The following ARHGAP27 variants were observed in gnomAD, a reference collection of about 807,000 sequenced individuals.
ARHGAP27 encodes the protein Rho GTPase activating protein 27, also known as rho GTPase-activating protein 27.
In ARHGAP27, 53 loss-of-function variants were observed where a neutral mutation model predicts 102.0. That is an observed-to-expected ratio of 0.52 (90% confidence interval 0.42 to 0.65). ARHGAP27 has a LOEUF of 0.65. Ranked by LOEUF, ARHGAP27 falls within the 30% of genes least tolerant of loss-of-function variation. ARHGAP27 has a pLI of 0.00. For missense variants in ARHGAP27, 1,117 were observed against 1,256.2 expected (o/e 0.89, Z 1.68); for synonymous variants, 525 against 542.8 (o/e 0.97, Z 0.46).
chr17:45,429,581 A>G (rs757829878), intron 4 of ARHGAP27, 42 bp downstream of exon 4: 2 of 1,577,514 alleles, frequency 1.3e-6, no homozygotes, highest in Non-Finnish European at 1.7e-6. Context: ...CGCGGTCCCT[A>G]GCGCGCCACC....
chr17:45,397,571 A>C, intron 13 of ARHGAP27: 1 of 225,928 alleles, frequency 4.4e-6, no homozygotes, highest in Non-Finnish European at 8.6e-6. Context: ...TACTTATGCA[A>C]TTGGTGTTTT....
rs2049713268 is a variant in ARHGAP27 at position 45,427,296 on chromosome 17, G to A, written c.657+2327C>T. ...GATAATGTGCACATTCCTGGCAAGG[G>A]CCCACGAGGCCCTGCCCGGGTGGGC... On this transcript the variant is annotated intron_variant, in intron 4 of 19. Coordinates refer to ENST00000685559, the MANE Select transcript of ARHGAP27 (RefSeq NM_001282290.2). The surrounding 1 kb of genome is among the most constrained non-coding windows in gnomAD (Gnocchi z 4.5). Among the ~76,000 whole-genome samples the A allele has an allele frequency of 6.6e-6, 1 of 152,136 alleles. No homozygotes were observed. The highest frequency in any genetic ancestry group is 2.4e-5 in the African/African-American group (1 of 41,428).
chr17:45,402,574 A>T lies in ARHGAP27; in HGVS notation c.1743+140T>A, dbSNP rs559981334. On this transcript the variant is annotated intron_variant, in intron 12 of 19. Coordinates refer to ENST00000685559, the MANE Select transcript of ARHGAP27 (RefSeq NM_001282290.2). ...TCTGGGTTCCTACCTCTATTAATAC[A>T]GCCAAAAGCTGCACTCAGTGTTGGC... The T allele has an allele frequency of 3.7e-3, 2,662 of 728,412 alleles. 7 individuals are homozygous for T. The highest frequency in any genetic ancestry group is 5.0e-3 in the Non-Finnish European group (2,214 of 446,122). 45.1% of individuals were successfully genotyped at this position (728,412 alleles called of 1,614,324 possible).
chr17:45,423,398 A>G (rs1291118364), intron 4 of ARHGAP27, among the ~76,000 whole-genome samples: 1 of 152,154 alleles, frequency 6.6e-6, no homozygotes, highest in Non-Finnish European at 1.5e-5. Context: ...ACCATTGATG[A>G]GAAAAAAAAT....
Position 45,405,759 on chromosome 17 carries a change from A to T in ARHGAP27, c.982T>A (p.Trp328Arg). ...GGCTCGTTCTCGGCCTCGTCCTCCC[A>T]GGCCGTCTCGCCCGTCAGCGGGTTG... ...FYNPLTGETA[W>R]EDEAENEPEE... Residue 328 changes from tryptophan (W) to arginine (R), a missense_variant, in exon 5 of 20, where the codon TGG becomes AGG. Around this residue, in one of 3 missense-constraint regions of ARHGAP27, gnomAD observed 610 missense variants for 716.4 expected, o/e 0.85. Transcript: ENST00000685559. 6.3e-7 allele frequency: 1 copy of T among 1,595,514 alleles called. No homozygotes were observed. Among genetic ancestry groups the T allele is most frequent in the Non-Finnish European group, 8.5e-7 (1 of 1,177,322 alleles).
chr17:45,411,629 T>C (rs1045901651), intron 4 of ARHGAP27, among the ~76,000 whole-genome samples: 4 of 151,952 alleles, frequency 2.6e-5, no homozygotes, highest in Non-Finnish European at 5.9e-5. Flanking sequence ...CATACCAGTG[T>C]CCCATCCCCT....
chr17:45,410,956 G>A (rs555437384), intron 4 of ARHGAP27, among the ~76,000 whole-genome samples: 3 of 152,164 alleles, frequency 2.0e-5, no homozygotes, highest in South Asian at 4.1e-4. Context: ...CTATCTGCCC[G>A]CCTGACCACC....
intron 11 of ARHGAP27, among the ~76,000 whole-genome samples, chr17:45,403,209 C>G (rs762608016): frequency 2.0e-5 from 3 of 152,202 alleles, no homozygotes; most frequent in Non-Finnish European, 2.9e-5. Flanking sequence ...AGGCCCAGCT[C>G]CTCTGACACT....
intron 15 of ARHGAP27, 25 bp from the exon 16 acceptor site, chr17:45,396,610 T>A: frequency 1.2e-6 from 2 of 1,610,462 alleles, no homozygotes; most frequent in Non-Finnish European, 1.7e-6. Flanking sequence ...CATCAGCTCC[T>A]GCCCAGCCTG....
intron 3 of ARHGAP27, 104 bp downstream of exon 3, chr17:45,431,517 G>T: frequency 5.1e-6 from 1 of 195,918 alleles, no homozygotes; most frequent in South Asian, 6.8e-5. Context: ...AAGCACGCTG[G>T]GCCCCGGAGG....
intron 12 of ARHGAP27, among the ~76,000 whole-genome samples, chr17:45,398,606 C>G (rs961558805): frequency 6.6e-6 from 1 of 151,966 alleles, no homozygotes; most frequent in Non-Finnish European, 1.5e-5. Flanking sequence ...TGGTGGCGGG[C>G]TCCTGTAATC....
chr17:45,414,153 A>C (rs1430757702), intron 4 of ARHGAP27, among the ~76,000 whole-genome samples: 2 of 150,732 alleles, frequency 1.3e-5, no homozygotes, highest in African/African-American at 4.9e-5. Flanking sequence ...CAGCCAGCGA[A>C]GGCTGTAGGG....
chr17:45,428,043 G>A (rs1398890904), intron 4 of ARHGAP27, among the ~76,000 whole-genome samples: 1 of 152,202 alleles, frequency 6.6e-6, no homozygotes, highest in Non-Finnish European at 1.5e-5. Context: ...GCACCTCTGC[G>A]CTTCTCAACA....
intron 12 of ARHGAP27, among the ~76,000 whole-genome samples, chr17:45,402,429 G>A (rs1401346798): frequency 1.3e-5 from 2 of 152,156 alleles, no homozygotes; most frequent in East Asian, 1.9e-4. Flanking sequence ...GGGGTGCAGC[G>A]TTGGCCTTGA....
chr17:45,424,149 G>T (rs1175363929), intron 4 of ARHGAP27, among the ~76,000 whole-genome samples: 1 of 152,244 alleles, frequency 6.6e-6, no homozygotes, highest in Non-Finnish European at 1.5e-5. Context: ...GAGAGGGCAA[G>T]GAGGCAGGGT....
Position 45,430,409 on chromosome 17 carries a change from C to T in ARHGAP27, c.-18-112G>A. The T allele has an allele frequency of 7.0e-7, 1 of 1,428,826 alleles. No individual in the cohort carries two copies. The highest frequency in any genetic ancestry group is 9.2e-7 in the Non-Finnish European group (1 of 1,090,446). The allele number at this position is 1,428,826 out of a possible 1,614,324, so 88.5% of individuals were successfully genotyped here. A position where few individuals can be genotyped will look rare whatever the true frequency, so the allele number is the denominator to read the frequency against. Reference sequence around the variant, plus strand: ...TCCCGATCCTGCACTCGCCGTTCGCCTTCGGGCCTCAGTTTTCCCATCTCT... The same window carrying T: ...TCCCGATCCTGCACTCGCCGTTCGCTTTCGGGCCTCAGTTTTCCCATCTCT... On this transcript the variant is annotated intron_variant, in intron 3 of 19. Coordinates refer to ENST00000685559, the MANE Select transcript of ARHGAP27 (RefSeq NM_001282290.2). The surrounding 1 kb of genome is among the most constrained non-coding windows in gnomAD (Gnocchi z 4.4).
chr17:45,403,648 C>T lies in ARHGAP27; in HGVS notation c.1609G>A (p.Asp537Asn). 2.5e-6 allele frequency: 4 copies of T among 1,614,072 alleles called. No individual in the cohort carries two copies. Among genetic ancestry groups the T allele is most frequent in the Non-Finnish European group, 3.4e-6 (4 of 1,180,016 alleles). Reference sequence around the variant, plus strand: ...CCGCCTGCAGCCGAGGTCTTTGAGTCCTTGAAGAATGTCAGGACGCCACCC... The same window carrying T: ...CCGCCTGCAGCCGAGGTCTTTGAGTTCTTGAAGAATGTCAGGACGCCACCC... The part of the protein sequence containing the change: ...LEGGVLTFFK[D>N]SKTSAAGGLR... Residue 537 changes from aspartate to asparagine, a missense_variant, in exon 11 of 20, where the codon GAC becomes AAC. This residue lies in a region of ARHGAP27 where 493 missense variants were observed against 505.5 expected (regional missense o/e 0.98). Coordinates refer to ENST00000685559, the MANE Select transcript of ARHGAP27 (RefSeq NM_001282290.2).
chr17:45,425,012 G>T (rs2049423323), intron 4 of ARHGAP27, among the ~76,000 whole-genome samples: 1 of 151,790 alleles, frequency 6.6e-6, no homozygotes, highest in Non-Finnish European at 1.5e-5. Context: ...GAGAGCCAGG[G>T]GGTGCGGGGG....
At position 45,430,438 on chromosome 17, in the gene ARHGAP27, A is replaced by C; in HGVS notation, c.-18-141T>G. 2 of 1,263,846 alleles carry C rather than the reference A, an allele frequency of 1.6e-6. No individual in the cohort carries two copies. Among genetic ancestry groups the C allele is most frequent in the Non-Finnish European group, 2.1e-6 (2 of 944,498 alleles). The allele number at this position is 1,263,846 out of a possible 1,614,324, so 78.3% of individuals were successfully genotyped here. On this transcript the variant is annotated intron_variant, in intron 3 of 19. Coordinates refer to ENST00000685559, the MANE Select transcript of ARHGAP27 (RefSeq NM_001282290.2). The surrounding 1 kb of genome is among the most constrained non-coding windows in gnomAD (Gnocchi z 4.4). ...GGGCCTCAGTTTTCCCATCTCTAAA[A>C]TGGGAACTTGCATAAAATCACATGT...
Sources: allele counts gnomAD v4.1 joint callset (sites outside exome capture counted in the v4.1 genomes callset), GRCh38; gene constraint gnomAD v4.1.1; regional missense constraint gnomAD v4.1.1; non-coding constraint Gnocchi (gnomAD v3.1); transcripts MANE v1.5; gene names NCBI Gene and HGNC (gene_info 2026-07-23, HGNC 2026-07-21).